Variants in FNDC3B observed in about 807,000 individuals in gnomAD.
FNDC3B encodes fibronectin type III domain containing 3B, also known as fibronectin type III domain-containing protein 3B.
In FNDC3B, 12 loss-of-function variants were observed where a neutral mutation model predicts 151.5. The ratio of observed to expected loss-of-function variants is 0.08; its 90% CI spans 0.05 to 0.13. FNDC3B has a LOEUF of 0.13. Among genes scored for constraint, FNDC3B ranks in the 10% least tolerant of loss-of-function variants. FNDC3B has a pLI of 1.00. For synonymous variants in FNDC3B, 528 were observed against 549.0 expected, an observed-to-expected ratio of 0.96 and a Z score of 0.54; for missense variants, 1,214 against 1,505.3, an observed-to-expected ratio of 0.81 and a Z score of 3.20.
intron 5 of FNDC3B, among the ~76,000 whole-genome samples, chr3:172,250,045 G>A (rs1297088306): frequency 6.6e-6 from 1 of 152,076 alleles, no homozygotes; most frequent in Non-Finnish European, 1.5e-5. Context: ...TAGAAGAGGT[G>A]ACCCTTTTTT....
intron 4 of FNDC3B, among the ~76,000 whole-genome samples, chr3:172,235,026 G>A (rs914673031): frequency 1.3e-5 from 2 of 152,094 alleles, no homozygotes; most frequent in Admixed American, 6.6e-5. Flanking sequence ...CCCACTGACA[G>A]ACTGGGGAAG....
chr3:172,281,760 A>C (rs1311246696), intron 6 of FNDC3B, among the ~76,000 whole-genome samples: 1 of 152,184 alleles, frequency 6.6e-6, no homozygotes, highest in Non-Finnish European at 1.5e-5. Flanking sequence ...AGAAACAAAA[A>C]CCAGACAGAG....
At chr3:172,165,755 A>C (rs1435473953) in intron 3 of FNDC3B, among the ~76,000 whole-genome samples, 1 of 152,214 alleles carries the variant, frequency 6.6e-6, no homozygotes, top group Non-Finnish European at 1.5e-5. Flanking sequence ...ACATTAGAGA[A>C]TAATGTTTAC....
intron 3 of FNDC3B, among the ~76,000 whole-genome samples, chr3:172,136,916 T>G (rs1381402531): frequency 6.6e-6 from 1 of 152,144 alleles, no homozygotes; most frequent in African/African-American, 2.4e-5. Context: ...GTGACAGGAT[T>G]TCACTGTGTT....
At chr3:172,179,511 A>G (rs1374531827) in intron 3 of FNDC3B, among the ~76,000 whole-genome samples, 2 of 152,050 alleles carry the variant, frequency 1.3e-5, no homozygotes, top group African/African-American at 4.8e-5. Flanking sequence ...CCACAACTTC[A>G]CTGTCTACAA....
At chr3:172,204,698 G>A (rs1025913748) in intron 3 of FNDC3B, among the ~76,000 whole-genome samples, 1 of 152,176 alleles carries the variant, frequency 6.6e-6, no homozygotes, top group African/African-American at 2.4e-5. Context: ...GTTGTTGTCA[G>A]TTTAGTCACT....
At chr3:172,385,627 C>T (rs894904227) in intron 25 of FNDC3B, among the ~76,000 whole-genome samples, 2 of 150,758 alleles carry the variant, frequency 1.3e-5, no homozygotes, top group Non-Finnish European at 2.9e-5. Context: ...GGCGTGATCT[C>T]GGCTCACTGC....
intron 11 of FNDC3B, among the ~76,000 whole-genome samples, chr3:172,322,296 G>A (rs547864166): frequency 6.6e-6 from 1 of 152,178 alleles, no homozygotes; most frequent in South Asian, 2.1e-4. Flanking sequence ...CACATGGCCT[G>A]GGGTTCCCAC....
chr3:172,307,256 G>C (rs1048741100), intron 9 of FNDC3B, 107 bp from the exon 10 acceptor site: 1 of 1,165,294 alleles, frequency 8.6e-7, no homozygotes, highest in South Asian at 1.3e-5. Flanking sequence ...TACTCACTCC[G>C]TAAGAAATTC....
chr3:172,129,839 A>G (rs148144244), intron 2 of FNDC3B, among the ~76,000 whole-genome samples: 30 of 152,302 alleles, frequency 2.0e-4, no homozygotes, highest in African/African-American at 7.0e-4. Flanking sequence ...GACATGGTGC[A>G]GTATGAATCA....
chr3:172,052,316 G>A (rs1247545836), intron 1 of FNDC3B, among the ~76,000 whole-genome samples: 4 of 151,784 alleles, frequency 2.6e-5, no homozygotes, highest in East Asian at 3.9e-4. Flanking sequence ...GGGCTCAAGC[G>A]ATCCGCCCAC....
chr3:172,160,029 G>A lies in FNDC3B; in HGVS notation c.187+26483G>A, dbSNP rs1204821260. ...GGTCACTGGGAAGGTGGGGGAGGCCGGCAGGGGCTGACCAGAATCAGCCTC... is the reference window on the plus strand; with the variant it reads ...GGTCACTGGGAAGGTGGGGGAGGCCAGCAGGGGCTGACCAGAATCAGCCTC... On this transcript the variant is annotated intron_variant, in intron 3 of 25. Coordinates refer to ENST00000415807, the MANE Select transcript of FNDC3B (RefSeq NM_022763.4). Among the ~76,000 whole-genome samples, 6 of 152,252 alleles carry A rather than the reference G, an allele frequency of 3.9e-5. 1 individual carries two copies. Among genetic ancestry groups the A allele is most frequent in the Admixed American group, 6.5e-5 (1 of 15,284 alleles).
intron 3 of FNDC3B, among the ~76,000 whole-genome samples, chr3:172,199,225 G>A (rs942591808): frequency 1.6e-4 from 24 of 151,294 alleles, no homozygotes; most frequent in African/African-American, 5.1e-4. Context: ...TGTCGCCCAG[G>A]CTGGAGTGCA....
intron 3 of FNDC3B, among the ~76,000 whole-genome samples, chr3:172,165,211 TG>T: frequency 6.6e-6 from 1 of 152,194 alleles, no homozygotes; most frequent in Admixed American, 6.5e-5. Context: ...GATTTCACCA[TG>T]TTGCCCAGGC....
intron 25 of FNDC3B, among the ~76,000 whole-genome samples, chr3:172,383,727 A>T (rs1735566834): frequency 6.6e-6 from 1 of 152,226 alleles, no homozygotes; most frequent in Non-Finnish European, 1.5e-5. Flanking sequence ...TTTGGAATAT[A>T]GCCAGATAAG....
chr3:172,320,877 A>G (rs1398182472), intron 11 of FNDC3B, among the ~76,000 whole-genome samples: 1 of 152,250 alleles, frequency 6.6e-6, no homozygotes, highest in East Asian at 1.9e-4. Flanking sequence ...GAGGATACTA[A>G]GTTAGTAAAG....
intron 11 of FNDC3B, among the ~76,000 whole-genome samples, chr3:172,322,580 C>G (rs1224640794): frequency 2.0e-5 from 3 of 152,152 alleles, no homozygotes; most frequent in African/African-American, 7.2e-5. Flanking sequence ...CCTGAGAAAC[C>G]ATTAACAAAT....
intron 1 of FNDC3B, among the ~76,000 whole-genome samples, chr3:172,049,817 G>A (rs540986866): frequency 3.9e-5 from 6 of 152,274 alleles, no homozygotes; most frequent in African/African-American, 1.2e-4. Flanking sequence ...ATGAGCCACC[G>A]TGCCTGGCCT....
intron 3 of FNDC3B, among the ~76,000 whole-genome samples, chr3:172,150,466 G>A (rs1281810913): frequency 6.6e-6 from 1 of 151,832 alleles, no homozygotes; most frequent in Non-Finnish European, 1.5e-5. Flanking sequence ...CCTCTTATCT[G>A]CTGAGCTAGA....
Sources: allele counts gnomAD v4.1 joint callset (sites outside exome capture counted in the v4.1 genomes callset), GRCh38; gene constraint gnomAD v4.1.1; transcripts MANE v1.5; gene names NCBI Gene and HGNC (gene_info 2026-07-23, HGNC 2026-07-21).